Variants in BIVM observed in about 807,000 individuals in gnomAD.
BIVM encodes basic immunoglobulin-like variable motif-containing protein.
A neutral mutation model predicts 61.4 loss-of-function variants in BIVM; 31 were observed. That is an observed-to-expected ratio of 0.51 (90% CI 0.38 to 0.68). The LOEUF (loss-of-function observed/expected upper bound fraction) is 0.68. BIVM is among the 30% of genes least tolerant of loss of function. The pLI is 0.00. For synonymous variants in BIVM, 189 were observed against 210.7 expected, an observed-to-expected ratio of 0.90 and a Z score of 0.89; for missense variants, 526 against 596.0, an observed-to-expected ratio of 0.88 and a Z score of 1.22.
At chr13:102,802,881 T>A (rs1488765200) in intron 1 of BIVM, among the ~76,000 whole-genome samples, 3 of 151,772 alleles carry the variant, frequency 2.0e-5, no homozygotes, top group Admixed American at 2.0e-4. Flanking sequence ...AAAGCATAGA[T>A]ATTACAGGTA....
At chr13:102,833,238 AAAAG>A (rs201589878) in intron 8 of BIVM, among the ~76,000 whole-genome samples, 7 of 151,770 alleles carry the variant, frequency 4.6e-5, no homozygotes, top group African/African-American at 7.3e-5. Context: ...TTTCTGTAAA[AAAAG>A]AAAGAAAGAA....
chr13:102,814,727 G>A (rs1233895163), intron 3 of BIVM, among the ~76,000 whole-genome samples: 1 of 152,118 alleles, frequency 6.6e-6, no homozygotes, highest in African/African-American at 2.4e-5. Context: ...TGAAAAGTGT[G>A]TTCTCTGTAA....
At chr13:102,814,979 G>A (rs1355875922) in intron 3 of BIVM, among the ~76,000 whole-genome samples, 3 of 152,130 alleles carry the variant, frequency 2.0e-5, no homozygotes, top group African/African-American at 7.2e-5. Flanking sequence ...CGGAGGCAGA[G>A]GTTGCAATGA....
intron 3 of BIVM, among the ~76,000 whole-genome samples, chr13:102,814,821 A>G (rs534391652): frequency 4.9e-4 from 74 of 152,298 alleles, no homozygotes; most frequent in African/African-American, 1.8e-3. Flanking sequence ...AGGCAGGTGG[A>G]TTGCTTGAGC....
chr13:102,802,959 G>T (rs574992292), intron 1 of BIVM, among the ~76,000 whole-genome samples: 4 of 151,614 alleles, frequency 2.6e-5, no homozygotes, highest in Non-Finnish European at 5.9e-5. Flanking sequence ...TATCTTTAGC[G>T]TCCAGGAAGC....
rs188215562 is a variant in BIVM, at chr13:102,802,675, G to A, written c.-206-2632G>A. Among the ~76,000 whole-genome samples the A allele has an allele frequency of 5.3e-5, 8 of 150,546 alleles. No individual in the cohort carries two copies. In the East Asian group the frequency reaches 1.4e-3, roughly 26 times the overall value. On this transcript the variant is annotated intron_variant, in intron 1 of 10. Transcript: ENST00000257336. Reference sequence around the variant, plus strand: ...TCGACCAAATAAATCATCTTGTTCCGTGACCATTATTTAAAAGCAAACAAA... The same window carrying A: ...TCGACCAAATAAATCATCTTGTTCCATGACCATTATTTAAAAGCAAACAAA...
At chr13:102,801,795 AC>A (rs1166886997) in intron 1 of BIVM, 1 of 152,230 alleles carries the variant, frequency 6.6e-6, no homozygotes, top group African/African-American at 2.4e-5. Flanking sequence ...ACCTGGTAAG[AC>A]CTGTGTGAGG....
At chr13:102,813,976 T>C (rs1220162047) in intron 3 of BIVM, among the ~76,000 whole-genome samples, 3 of 152,208 alleles carry the variant, frequency 2.0e-5, no homozygotes, top group African/African-American at 7.2e-5. Flanking sequence ...CTCTGTCCTT[T>C]GGTTCTTCCA....
chr13:102,810,059 C>T (rs1435501175), intron 3 of BIVM, among the ~76,000 whole-genome samples: 1 of 151,610 alleles, frequency 6.6e-6, no homozygotes, highest in African/African-American at 2.4e-5. Context: ...AGGCGTGAGC[C>T]ACCCCGCCCA....
At chr13:102,834,720 C>G (rs942927288) in intron 9 of BIVM, among the ~76,000 whole-genome samples, 168 bp downstream of exon 9, 4 of 152,206 alleles carry the variant, frequency 2.6e-5, no homozygotes, top group Non-Finnish European at 4.4e-5. Flanking sequence ...CTCTCACTCT[C>G]TACTCCTATC....
intron 4 of BIVM, chr13:102,820,298 G>A (rs1180258269): frequency 7.0e-6 from 1 of 142,300 alleles, no homozygotes; most frequent in Non-Finnish European, 1.5e-5. Context: ...GTTGCAGTGA[G>A]CCAAGATTGC....
chr13:102,833,327 GTTTTT>G (rs532303115), intron 8 of BIVM, among the ~76,000 whole-genome samples: 1 of 79,598 alleles, frequency 1.3e-5, no homozygotes, highest in African/African-American at 3.8e-5. Context: ...GATAGGATGG[GTTTTT>G]TTTTTTTTTT....
chr13:102,831,799 G>A, intron 8 of BIVM, 102 bp downstream of exon 8: 2 of 1,346,234 alleles, frequency 1.5e-6, no homozygotes, highest in Non-Finnish European at 1.0e-6. Flanking sequence ...GGAGGCCGAG[G>A]TGGGCGGATC....
At chr13:102,806,924 T>A (rs1228249537) in intron 2 of BIVM, among the ~76,000 whole-genome samples, 1 of 151,688 alleles carries the variant, frequency 6.6e-6, no homozygotes, top group East Asian at 1.9e-4. Context: ...AAAAAAAAAA[T>A]TGGGCTATTT....
chr13:102,818,299 A>T (rs1413326818), intron 4 of BIVM, among the ~76,000 whole-genome samples: 1 of 152,196 alleles, frequency 6.6e-6, no homozygotes, highest in African/African-American at 2.4e-5. Context: ...CAGACTCAAC[A>T]TTCATGCTGT....
At chr13:102,813,468 C>A (rs1315594159) in intron 3 of BIVM, among the ~76,000 whole-genome samples, 2 of 151,982 alleles carry the variant, frequency 1.3e-5, no homozygotes, top group African/African-American at 4.8e-5. Flanking sequence ...CTGAGATTTG[C>A]TATATTTTTC....
intron 4 of BIVM, among the ~76,000 whole-genome samples, chr13:102,820,026 ATT>A (rs894394632): frequency 1.3e-5 from 2 of 152,084 alleles, no homozygotes; most frequent in African/African-American, 4.8e-5. Flanking sequence ...TGTTAAGCTG[ATT>A]TAACATTATC....
At chr13:102,822,497 ACT>A (rs1302744299) in intron 7 of BIVM, among the ~76,000 whole-genome samples, 1 of 152,096 alleles carries the variant, frequency 6.6e-6, no homozygotes, top group Non-Finnish European at 1.5e-5. Context: ...TGCTAGTAAA[ACT>A]CTAAGGAAGC....
At chr13:102,811,681 G>A (rs997076563) in intron 3 of BIVM, among the ~76,000 whole-genome samples, 3 of 152,188 alleles carry the variant, frequency 2.0e-5, no homozygotes, top group African/African-American at 7.2e-5. Context: ...GCGCCACCAT[G>A]CCTGGCTAAT....
Sources: gnomAD v4.1 joint callset for allele counts (sites outside exome capture counted in the v4.1 genomes callset) on GRCh38, gnomAD v4.1.1 for gene constraint, MANE v1.5 for transcripts, NCBI Gene and HGNC (gene_info 2026-07-23, HGNC 2026-07-21) for gene names.